Variants in ENPP1 observed in about 807,000 individuals in gnomAD.
ENPP1 encodes ectonucleotide pyrophosphatase/phosphodiesterase family member 1.
A neutral mutation model predicts 122.8 loss-of-function variants in ENPP1; 73 were observed. The observed-to-expected ratio is 0.59, with a 90% CI of 0.49 to 0.72. ENPP1 has a LOEUF of 0.72. ENPP1 is among the 30% of genes least tolerant of loss of function. The probability of loss-of-function intolerance (pLI) is 0.00; values close to 1 mark genes in which losing one functional copy is unlikely to be tolerated. For synonymous variants in ENPP1, 367 were observed against 391.6 expected (o/e 0.94, Z 0.74); for missense variants, 978 against 1,128.1 (o/e 0.87, Z 1.91).
intron 14 of ENPP1, 74 bp from the exon 15 acceptor site, chr6:131,872,849 C>T (rs1782179649): frequency 2.1e-6 from 3 of 1,419,178 alleles, no homozygotes; most frequent in Non-Finnish European, 3.0e-6. Flanking sequence ...TAATAAATAT[C>T]TTTCCCTAAA....
chr6:131,851,071 G>A (rs909153411), intron 3 of ENPP1, 71 bp from the exon 4 acceptor site: 9 of 1,549,192 alleles, frequency 5.8e-6, no homozygotes, highest in Non-Finnish European at 8.0e-6. Context: ...CAGGAAGACA[G>A]CAATTCTGTG....
At chr6:131,877,605 G>A (rs1225711033) in intron 18 of ENPP1, 1 of 178,230 alleles carries the variant, frequency 5.6e-6, no homozygotes, top group African/African-American at 2.4e-5. Context: ...GGTATGAAAT[G>A]AATATATTAC....
chr6:131,817,907 A>G (rs1554275983), intron 1 of ENPP1, among the ~76,000 whole-genome samples: 3 of 151,978 alleles, frequency 2.0e-5, no homozygotes, highest in Non-Finnish European at 4.4e-5. Flanking sequence ...TGGATTGACC[A>G]TTTTCTCACC....
rs75293516 is a variant in ENPP1 at position 131,812,625 on chromosome 6, A to G, written c.240+4350A>G. 2.9e-3 allele frequency among the ~76,000 whole-genome samples: 446 copies of G among 152,342 alleles called. 6 individuals are homozygous for G. The highest frequency in any genetic ancestry group is 0.01 in the African/African-American group (429 of 41,574). On this transcript the variant is annotated intron_variant, in intron 1 of 24. Transcript: ENST00000647893. ...AAATATTTTAAAGAGCTTTATCCTG[A>G]GCCAAGATGAGTGACTGTGGCTCGG...
intron 1 of ENPP1, among the ~76,000 whole-genome samples, chr6:131,832,574 G>T (rs1371338339): frequency 2.0e-5 from 3 of 152,180 alleles, no homozygotes; most frequent in Non-Finnish European, 4.4e-5. Context: ...TCAGCACCTG[G>T]TCATCAGCTC....
chr6:131,869,219 A>G (rs531153781), intron 12 of ENPP1, 139 bp from the exon 13 acceptor site: 3 of 782,300 alleles, frequency 3.8e-6, no homozygotes, highest in Non-Finnish European at 6.5e-6. Flanking sequence ...ATTCTGTCTT[A>G]CCTATCAGAT....
intron 11 of ENPP1, 100 bp from the exon 12 acceptor site, chr6:131,867,915 CTTT>C: frequency 1.2e-6 from 1 of 812,496 alleles, no homozygotes; most frequent in Non-Finnish European, 2.1e-6. Context: ...TTCTTTCTTT[CTTT>C]GTTTCTTTCT....
chr6:131,877,266 G>C (rs1585837276), intron 18 of ENPP1, 105 bp downstream of exon 18: 25 of 1,090,596 alleles, frequency 2.3e-5, no homozygotes, highest in Middle Eastern at 2.0e-4. Flanking sequence ...ATTTAGGAGT[G>C]GGGGTAGGTA....
intron 1 of ENPP1, among the ~76,000 whole-genome samples, chr6:131,845,043 GTTTTTTTTTTTTT>G (rs142380855): frequency 3.5e-5 from 3 of 84,986 alleles, no homozygotes; most frequent in East Asian, 2.9e-4. Context: ...ATTCTTCATG[GTTTTTTTTTTTTT>G]TTTTTTTTTT....
At chr6:131,829,021 A>T (rs1328765178) in intron 1 of ENPP1, among the ~76,000 whole-genome samples, 1 of 152,266 alleles carries the variant, frequency 6.6e-6, no homozygotes, top group Non-Finnish European at 1.5e-5. Flanking sequence ...AAATTACAGA[A>T]ACTTAACTGC....
intron 14 of ENPP1, among the ~76,000 whole-genome samples, chr6:131,872,543 C>G (rs927128715): frequency 6.6e-6 from 1 of 152,062 alleles, no homozygotes; most frequent in African/African-American, 2.4e-5. Flanking sequence ...AAAACTCTTA[C>G]AATTGCACTT....
At position 131,808,323 on chromosome 6, in the gene ENPP1, G is replaced by C. The variant is rs778479534; in HGVS notation, c.240+48G>C. On this transcript the variant is annotated intron_variant, in intron 1 of 24. Coordinates refer to ENST00000647893, the MANE Select transcript of ENPP1 (RefSeq NM_006208.3). ...GCGCCCGGGAGGGCTGGGAGTACGGGGAGGGCGGCGCCGAGCTCCTGCGCT... is the reference window on the plus strand; with the variant it reads ...GCGCCCGGGAGGGCTGGGAGTACGGCGAGGGCGGCGCCGAGCTCCTGCGCT... 13 of 1,466,456 alleles carry C rather than the reference G, an allele frequency of 8.9e-6. No homozygotes were observed. The East Asian group carries it at 3.7e-4, about 42-fold the overall frequency. The allele number at this position is 1,466,456 out of a possible 1,614,324, so 90.8% of individuals were successfully genotyped here.
intron 1 of ENPP1, among the ~76,000 whole-genome samples, chr6:131,842,361 A>G (rs575295163): frequency 6.6e-6 from 1 of 152,080 alleles, no homozygotes; most frequent in Admixed American, 6.6e-5. Context: ...GGTCACCACT[A>G]TGTCATTTCT....
intron 1 of ENPP1, among the ~76,000 whole-genome samples, chr6:131,846,585 T>G (rs960543835): frequency 6.6e-6 from 1 of 152,160 alleles, no homozygotes; most frequent in Non-Finnish European, 1.5e-5. Context: ...TTTAAACAAC[T>G]GTAGAACTTT....
intron 1 of ENPP1, among the ~76,000 whole-genome samples, chr6:131,823,014 G>A (rs533011000): frequency 1.9e-4 from 29 of 152,226 alleles, no homozygotes; most frequent in East Asian, 1.9e-4. Flanking sequence ...TTTCCCACAC[G>A]CGGGATAACA....
intron 4 of ENPP1, chr6:131,851,482 A>G (rs1025655998): frequency 3.1e-5 from 17 of 556,474 alleles, no homozygotes; most frequent in African/African-American, 5.7e-5. Flanking sequence ...ACCCAGCTTC[A>G]TAATTATGAT....
rs1322915073 is a variant in ENPP1, at chr6:131,816,068, G to A, written c.240+7793G>A. Among the ~76,000 whole-genome samples, 6 of 151,936 alleles carry A rather than the reference G, an allele frequency of 3.9e-5. No individual in the cohort carries two copies. In the East Asian group the frequency reaches 1.2e-3, roughly 29 times the overall value. ...CAGCTGACTCTTTTTATCTTAAGTA[G>A]CAATGTTAAAGGTAAATGAAAATAG... is the stretch of plus-strand genomic sequence containing the variant. On this transcript the variant is annotated intron_variant, in intron 1 of 24. Coordinates refer to ENST00000647893, the MANE Select transcript of ENPP1 (RefSeq NM_006208.3).
At chr6:131,887,417 G>C (rs1782395538) in intron 24 of ENPP1, among the ~76,000 whole-genome samples, 1 of 149,704 alleles carries the variant, frequency 6.7e-6, no homozygotes, top group Non-Finnish European at 1.5e-5. Context: ...TTTTGAGACA[G>C]AGTCTCACTT....
At chr6:131,882,796 T>C (rs1274112372) in intron 21 of ENPP1, among the ~76,000 whole-genome samples, 1 of 151,694 alleles carries the variant, frequency 6.6e-6, no homozygotes, top group Admixed American at 6.6e-5. Context: ...GGGTAGTTGA[T>C]GTAGTGCAGA....
Sources: allele counts gnomAD v4.1 joint callset (sites outside exome capture counted in the v4.1 genomes callset), GRCh38; gene constraint gnomAD v4.1.1; transcripts MANE v1.5; gene names NCBI Gene and HGNC (gene_info 2026-07-23, HGNC 2026-07-21).